MDM4: variants seen among roughly 807,000 people sequenced by gnomAD.
MDM4 encodes protein Mdm4.
A neutral mutation model predicts 60.2 loss-of-function variants in MDM4; 2 were observed. That is an observed-to-expected ratio of 0.03 (90% CI 0.01 to 0.10). MDM4 has a LOEUF of 0.10. MDM4 is among the 10% of genes least tolerant of loss of function. MDM4 has a pLI of 1.00. For missense variants in MDM4, 447 were observed against 577.5 expected (o/e 0.77, Z 2.32); for synonymous variants, 202 against 198.1 (o/e 1.02, Z -0.17).
rs1454045031 is a variant in MDM4 at position 204,551,065 on chromosome 1, CAG to C, written c.*1384_*1385del. 5.3e-6 allele frequency: 1 copy of C among 188,352 alleles called. No homozygotes were observed. Among genetic ancestry groups the C allele is most frequent in the African/African-American group, 2.3e-5 (1 of 42,684 alleles). The allele number at this position is 188,352 out of a possible 1,614,324, so 11.7% of individuals were successfully genotyped here. On this transcript the variant is annotated 3_prime_UTR_variant, in exon 11 of 11. Transcript: ENST00000367182. Reference sequence around the variant, plus strand: ...TTTTGTTTTGTTTTGTTTTTTGAGACAGGGTCTTGCTCTGTCGCCCAGGCTGG... The same window carrying C: ...TTTTGTTTTGTTTTGTTTTTTGAGACGGTCTTGCTCTGTCGCCCAGGCTGG...
intron 5 of MDM4, among the ~76,000 whole-genome samples, chr1:204,535,800 CA>C (rs1334049454): frequency 6.7e-6 from 1 of 148,700 alleles, no homozygotes; most frequent in African/African-American, 2.5e-5. Context: ...CTCGACCTCC[CA>C]AAGTTCTGGG....
At chr1:204,544,790 CT>C in intron 9 of MDM4, 106 bp downstream of exon 9, 1 of 997,962 alleles carries the variant, frequency 1.0e-6, no homozygotes, top group Non-Finnish European at 1.4e-6. Context: ...ACATAATCCC[CT>C]TTTTAACTTT....
intron 10 of MDM4, among the ~76,000 whole-genome samples, 173 bp downstream of exon 10, chr1:204,547,050 TAAGAA>T (rs2102442172): frequency 6.6e-6 from 1 of 152,290 alleles, no homozygotes; most frequent in African/African-American, 2.4e-5. Context: ...TATTGGAACT[TAAGAA>T]GGGAAGGGGA....
At position 204,542,854 on chromosome 1, in the gene MDM4, T is replaced by C; in HGVS notation, c.582T>C (p.Asp194=). 6.2e-7 allele frequency: 1 copy of C among 1,614,052 alleles called. No homozygotes were observed. Among genetic ancestry groups the C allele is most frequent in the Non-Finnish European group, 8.5e-7 (1 of 1,179,892 alleles). ...SRLDLGFEEW[D]VAGLPWWFLG... is the part of the protein sequence containing the mutation. ...TGGACCTTGGATTTGAGGAGTGGGA[T>C]GTAGCTGGCCTGCCTTGGTGGTTTT... The change falls in exon 8 of 11, where the codon GAT becomes GAC. Residue 194 remains aspartate (D), a synonymous_variant. Transcript: ENST00000367182.
At position 204,555,086 on chromosome 1, in the gene MDM4, G is replaced by T. The variant is rs997180052; in HGVS notation, c.*5404G>T. Reference sequence around the variant, plus strand: ...ATCCAAGATGCTGCTTCCCCTGCAGGTTGTTTTCCTTCTTACGATCCTCAT... The same window carrying T: ...ATCCAAGATGCTGCTTCCCCTGCAGTTTGTTTTCCTTCTTACGATCCTCAT... On this transcript the variant is annotated 3_prime_UTR_variant, in exon 11 of 11. Coordinates refer to ENST00000367182, the MANE Select transcript of MDM4 (RefSeq NM_002393.5). 7 of 209,418 alleles carry T rather than the reference G, an allele frequency of 3.3e-5. No homozygotes were observed. Among genetic ancestry groups the T allele is most frequent in the Middle Eastern group, 1.5e-3 (1 of 666 alleles). 13.0% of individuals were successfully genotyped at this position (209,418 alleles called of 1,614,324 possible).
At chr1:204,517,398 T>C (rs1659094671) in intron 1 of MDM4, among the ~76,000 whole-genome samples, 1 of 151,844 alleles carries the variant, frequency 6.6e-6, no homozygotes, top group African/African-American at 2.4e-5. Flanking sequence ...TTGGTTGTGT[T>C]TTTGTTTTGT....
At chr1:204,546,927 A>T (rs747819384) in intron 10 of MDM4, 50 bp downstream of exon 10, 1 of 1,161,764 alleles carries the variant, frequency 8.6e-7, no homozygotes, top group South Asian at 1.3e-5. Flanking sequence ...TCTTCAGATG[A>T]TGTAATCCCA....
chr1:204,519,771 G>A (rs1452211868), intron 1 of MDM4, among the ~76,000 whole-genome samples: 1 of 151,982 alleles, frequency 6.6e-6, no homozygotes, highest in Non-Finnish European at 1.5e-5. Context: ...CCATGATCAC[G>A]GCACTGCAGT....
rs1041171281 is a variant in MDM4, at chr1:204,549,403, T to C, written c.1194T>C (p.Ala398=). 1.2e-6 allele frequency: 2 copies of C among 1,613,736 alleles called. No individual in the cohort carries two copies. The highest frequency in any genetic ancestry group is 1.7e-6 in the Non-Finnish European group (2 of 1,179,954). Residue 398 remains alanine (A), a synonymous_variant, in exon 11 of 11, where the codon GCT becomes GCC. Coordinates refer to ENST00000367182, the MANE Select transcript of MDM4 (RefSeq NM_002393.5). ...PCNSVEFLDL[A]HSSESQETIS... is the part of the protein sequence containing the mutation. The stretch of plus-strand genomic sequence containing the variant: ...ACTCAGTGGAATTCTTGGATTTGGC[T>C]CACAGTTCTGAAAGCCAAGAGACCA...
At chr1:204,520,003 C>T (rs540731603) in intron 1 of MDM4, among the ~76,000 whole-genome samples, 4 of 152,186 alleles carry the variant, frequency 2.6e-5, no homozygotes, top group South Asian at 2.1e-4. Flanking sequence ...TTAGGCTGGG[C>T]GCGGTGGCTT....
At chr1:204,544,712 T>C (rs542740730) in intron 9 of MDM4, 28 bp downstream of exon 9, 1 of 1,597,500 alleles carries the variant, frequency 6.3e-7, no homozygotes, top group African/African-American at 1.3e-5. Context: ...TCCATGTTGA[T>C]TCTGTTTGTG....
chr1:204,535,585 G>T (rs186341427), intron 5 of MDM4, among the ~76,000 whole-genome samples: 1 of 152,230 alleles, frequency 6.6e-6, no homozygotes, highest in East Asian at 1.9e-4. Context: ...CTAGGCTGGA[G>T]TGCAGTGGTG....
rs776062479 is a variant in MDM4, at chr1:204,542,913, G to C, written c.641G>C (p.Ser214Thr). Residue 214 changes from serine to threonine, a missense_variant, in exon 8 of 11, where the codon AGT becomes ACT. Transcript: ENST00000367182. ...GNLRSNYTPR[S>T]NGSTDLQTNQ... ...TTGAGAAGCAACTATACACCTAGAA[G>C]TAATGGCTCAACTGATTTACAGACA... 3.1e-6 allele frequency: 5 copies of C among 1,612,542 alleles called. No homozygotes were observed. The highest frequency in any genetic ancestry group is 4.2e-6 in the Non-Finnish European group (5 of 1,179,536).
chr1:204,539,753 G>A (rs1362198796), intron 7 of MDM4, among the ~76,000 whole-genome samples: 1 of 151,312 alleles, frequency 6.6e-6, no homozygotes, highest in Non-Finnish European at 1.5e-5. Context: ...ACCAGGATGG[G>A]TTGATGTCAT....
At position 204,549,379 on chromosome 1, in the gene MDM4, C is replaced by T. The variant is rs1572529040; in HGVS notation, c.1170C>T (p.Asn390=). The stretch of plus-strand genomic sequence containing the variant: ...ACTCCAAACTTTTTGATCCCTGCAA[C>T]TCAGTGGAATTCTTGGATTTGGCTC... The part of the protein sequence containing the change: ...KENSKLFDPC[N]SVEFLDLAHS... Residue 390 remains asparagine (N), a synonymous_variant, in exon 11 of 11, where the codon AAC becomes AAT. Transcript: ENST00000367182. The T allele has an allele frequency of 6.2e-7, 1 of 1,614,082 alleles. No individual in the cohort carries two copies.
rs534152082 is a variant in MDM4, at chr1:204,551,285, A to C, written c.*1603A>C. On this transcript the variant is annotated 3_prime_UTR_variant, in exon 11 of 11. Transcript: ENST00000367182. ...GGTCCCAAACTTCTAGCCTCAAGCA[A>C]CCCTCCTGCCTCAGCCTCTCAAAGT... 211 of 225,668 alleles carry C rather than the reference A, an allele frequency of 9.4e-4. 1 individual carries two copies. Among genetic ancestry groups the C allele is most frequent in the African/African-American group, 4.3e-3 (188 of 44,192 alleles). The allele number at this position is 225,668 out of a possible 1,614,324, so 14.0% of individuals were successfully genotyped here.
rs543956440 is a variant in MDM4 at position 204,548,585 on chromosome 1, A to C, written c.904-528A>C. 5.9e-5 allele frequency among the ~76,000 whole-genome samples: 9 copies of C among 152,338 alleles called. No individual in the cohort carries two copies. The South Asian group carries it at 1.4e-3, about 25-fold the overall frequency. ...AAGGACAATAACATTTATTTTTCAG[A>C]GGGCATGATTTAGGCATACAGTTAC... On this transcript the variant is annotated intron_variant, in intron 10 of 10. Transcript: ENST00000367182.
Position 204,525,572 on chromosome 1 carries a change from G to A in MDM4, c.54G>A (p.Arg18=), listed in dbSNP as rs2102314293. Residue 18 remains arginine, a synonymous_variant, in exon 2 of 11, where the codon AGG becomes AGA. Transcript: ENST00000367182. ...AQCSTSDSAC[R]ISPGQINQVR... ...GTTCAACATCTGACAGTGCTTGCAG[G>A]ATCTCTCCTGGACAAATCAATCAGG... 1 of 1,608,614 alleles carries A rather than the reference G, an allele frequency of 6.2e-7. No individual in the cohort carries two copies. The highest frequency in any genetic ancestry group is 8.5e-7 in the Non-Finnish European group (1 of 1,176,850).
At chr1:204,524,833 G>C (rs1659955590) in intron 1 of MDM4, among the ~76,000 whole-genome samples, 1 of 152,126 alleles carries the variant, frequency 6.6e-6, no homozygotes, top group Admixed American at 6.5e-5. Context: ...GTTTTTTTAA[G>C]GATAAAAGGT....
Sources: gnomAD v4.1 joint callset for allele counts (sites outside exome capture counted in the v4.1 genomes callset) on GRCh38, gnomAD v4.1.1 for gene constraint, MANE v1.5 for transcripts, NCBI Gene and HGNC (gene_info 2026-07-23, HGNC 2026-07-21) for gene names.